The following NBN variants were observed in gnomAD, a reference collection of about 807,000 sequenced individuals.
NBN encodes nibrin.
NBN carries 88 observed loss-of-function variants against 90.8 expected under a neutral mutation model. The ratio of observed to expected loss-of-function variants is 0.97; its 90% CI spans 0.82 to 1.16. NBN has a LOEUF of 1.16. Ranked by LOEUF, NBN falls within the 50% of genes most tolerant of loss-of-function variation. NBN has a pLI of 0.00. For synonymous variants in NBN, 328 were observed against 295.1 expected (o/e 1.11, Z -1.14); for missense variants, 894 against 869.6 (o/e 1.03, Z -0.35).
chr8:89,956,598 A>G (rs536484590), intron 9 of NBN, among the ~76,000 whole-genome samples: 1 of 152,314 alleles, frequency 6.6e-6, no homozygotes, highest in Admixed American at 6.5e-5. Context: ...AACATCACGC[A>G]ATACAAATAT....
intron 11 of NBN, among the ~76,000 whole-genome samples, chr8:89,951,408 C>A (rs1180732446): frequency 1.3e-5 from 2 of 151,140 alleles, no homozygotes; most frequent in Middle Eastern, 3.2e-3. Flanking sequence ...GAGAGCACAG[C>A]AAGGGAAATG....
intron 4 of NBN, among the ~76,000 whole-genome samples, chr8:89,979,604 A>T (rs1312538561): frequency 2.0e-5 from 3 of 152,152 alleles, no homozygotes; most frequent in Non-Finnish European, 4.4e-5. Flanking sequence ...TGGCTCTAAC[A>T]TTCAATGATT....
chr8:89,953,649 T>C lies in NBN; in HGVS notation c.1440A>G (p.Ser480=). The C allele has an allele frequency of 6.2e-7, 1 of 1,612,714 alleles. No individual in the cohort carries two copies. Among genetic ancestry groups the C allele is most frequent in the Non-Finnish European group, 8.5e-7 (1 of 1,179,520 alleles). The part of the protein sequence containing the change: ...EENQEMSSCK[S]ARIETSCSLL... ...GAGAACAAGACGTTTCTATTCTTGC[T>C]GATTTGCATGAAGACATTTCTTGAT... The change falls in exon 11 of 16, where the codon TCA becomes TCG. Residue 480 remains serine, a synonymous_variant. Transcript: ENST00000265433.
chr8:89,971,141 C>A, intron 6 of NBN, 32 bp downstream of exon 6: 1 of 1,593,092 alleles, frequency 6.3e-7, no homozygotes, highest in Non-Finnish European at 8.6e-7. Flanking sequence ...GTAATGTATT[C>A]TTTAGGAAAA....
At chr8:89,979,037 G>A (rs1471856626) in intron 4 of NBN, among the ~76,000 whole-genome samples, 2 of 152,186 alleles carry the variant, frequency 1.3e-5, no homozygotes, top group Non-Finnish European at 2.9e-5. Flanking sequence ...GACTGCAGTG[G>A]CGTGATCCTG....
At chr8:89,968,500 A>C (rs573262808) in intron 7 of NBN, among the ~76,000 whole-genome samples, 2 of 152,298 alleles carry the variant, frequency 1.3e-5, no homozygotes, top group East Asian at 3.9e-4. Context: ...CCTCATCTGC[A>C]CAGTGAGGAC....
Position 89,941,982 on chromosome 8 carries a change from T to C in NBN, c.2184+1271A>G, listed in dbSNP as rs192186517. Among the ~76,000 whole-genome samples the C allele has an allele frequency of 8.5e-5, 13 of 152,302 alleles. No individual in the cohort carries two copies. In the East Asian group the frequency reaches 2.5e-3, roughly 29 times the overall value. The stretch of plus-strand genomic sequence containing the variant: ...AGCAAAATAAGGAACCCTGAGAGGT[T>C]AGCAAGGACCACAGTCAGCTTTTGC... On this transcript the variant is annotated intron_variant, in intron 14 of 15. Coordinates refer to ENST00000265433, the MANE Select transcript of NBN (RefSeq NM_002485.5).
chr8:89,975,986 T>G (rs1811735172), intron 5 of NBN, among the ~76,000 whole-genome samples: 1 of 152,262 alleles, frequency 6.6e-6, no homozygotes, highest in South Asian at 2.1e-4. Context: ...TCGGTGAAGT[T>G]TCTTGAGGTG....
rs115392754 is a variant in NBN at position 89,968,749 on chromosome 8, T to C, written c.896+1615A>G. Among the ~76,000 whole-genome samples, 427 of 152,284 alleles carry C rather than the reference T, an allele frequency of 2.8e-3. 3 individuals are homozygous for C. The highest frequency in any genetic ancestry group is 9.8e-3 in the African/African-American group (408 of 41,548). On this transcript the variant is annotated intron_variant, in intron 7 of 15. Transcript: ENST00000265433. ...CTGCCGGGTTACTGCTTCCTTTATA[T>C]ACATGTGTAATGATTTGTTTACTTG...
chr8:89,974,374 C>T (rs754212244), intron 5 of NBN, among the ~76,000 whole-genome samples: 11 of 149,844 alleles, frequency 7.3e-5, no homozygotes, highest in Non-Finnish European at 1.3e-4. Flanking sequence ...TTCTTACCTT[C>T]GATTTAAATT....
At chr8:89,936,707 CA>C (rs1466320537) in intron 15 of NBN, among the ~76,000 whole-genome samples, 2 of 152,142 alleles carry the variant, frequency 1.3e-5, no homozygotes, top group Non-Finnish European at 2.9e-5. Flanking sequence ...TGTCTTAATT[CA>C]AAACTCAATC....
At chr8:89,951,119 T>C (rs1223700062) in intron 11 of NBN, among the ~76,000 whole-genome samples, 1 of 152,064 alleles carries the variant, frequency 6.6e-6, no homozygotes, top group Non-Finnish European at 1.5e-5. Context: ...GAGATCATCC[T>C]GGCTAACACA....
chr8:89,984,195 T>C (rs1322300234), intron 1 of NBN: 10 of 459,694 alleles, frequency 2.2e-5, no homozygotes, highest in Non-Finnish European at 3.9e-5. Context: ...ACTAGGCGCC[T>C]GCTGCCGCTT....
chr8:89,955,400 G>A lies in NBN; in HGVS notation c.1280C>T (p.Pro427Leu). 1 of 1,613,686 alleles carries A rather than the reference G, an allele frequency of 6.2e-7. No homozygotes were observed. The highest frequency in any genetic ancestry group is 8.5e-7 in the Non-Finnish European group (1 of 1,179,762). ...VSNTLAKMRI[P>L]NYQLSPTKLP... ...TTTAGTTGGTGAAAGCTGATAGTTT[G>A]GGATTCTCATCTTAGCCAAAGTATT... is the stretch of plus-strand genomic sequence containing the variant. The change falls in exon 10 of 16, where the codon CCA (proline) becomes CTA (leucine). Residue 427 changes from proline (P) to leucine (L), a missense_variant. Pro to Leu is a moderately conservative substitution (Grantham distance 98, BLOSUM62 -3). Transcript: ENST00000265433.
intron 10 of NBN, among the ~76,000 whole-genome samples, chr8:89,954,715 G>A (rs1469368063): frequency 1.3e-5 from 2 of 152,058 alleles, no homozygotes; most frequent in Admixed American, 6.6e-5. Context: ...ATAAAGAGCA[G>A]TACGGGGAAG....
chr8:89,982,553 T>C (rs1438388449), intron 2 of NBN, 169 bp downstream of exon 2: 7 of 640,546 alleles, frequency 1.1e-5, no homozygotes, highest in South Asian at 1.9e-5. Flanking sequence ...CAAATACCAC[T>C]GGTACCACTG....
intron 7 of NBN, among the ~76,000 whole-genome samples, chr8:89,966,758 T>C (rs1811271183): frequency 6.6e-6 from 1 of 152,184 alleles, no homozygotes; most frequent in Non-Finnish European, 1.5e-5. Context: ...AAAAGACTTG[T>C]TCTACCAGCT....
chr8:89,979,755 G>A (rs1200470809), intron 4 of NBN, among the ~76,000 whole-genome samples: 1 of 152,056 alleles, frequency 6.6e-6, no homozygotes, highest in Non-Finnish European at 1.5e-5. Context: ...GTGTGTAATG[G>A]AGCAATTCAC....
At position 89,953,495 on chromosome 8, in the gene NBN, C is replaced by T. The variant is rs545435120; in HGVS notation, c.1594G>A (p.Val532Met). The change falls in exon 11 of 16, where the codon GTG becomes ATG. Residue 532 changes from valine to methionine, a missense_variant. By Grantham distance (21) the Val-to-Met change is conservative (BLOSUM62 1). Transcript: ENST00000265433. ...LFTDTDLKSI[V>M]KNSASKSHAA... ...TGAGATTTACTGGCAGAATTTTTCACAATAGATTTTAAATCTGTATCTGTA... is the reference window on the plus strand; with the variant it reads ...TGAGATTTACTGGCAGAATTTTTCATAATAGATTTTAAATCTGTATCTGTA... 1.2e-5 allele frequency: 19 copies of T among 1,613,460 alleles called. No individual in the cohort carries two copies. The South Asian group carries it at 1.9e-4, about 16-fold the overall frequency.
Sources: gnomAD v4.1 joint callset for allele counts (sites outside exome capture counted in the v4.1 genomes callset) on GRCh38, gnomAD v4.1.1 for gene constraint, MANE v1.5 for transcripts, NCBI Gene and HGNC (gene_info 2026-07-23, HGNC 2026-07-21) for gene names.